The following PDE12 variants were observed in gnomAD, a reference collection of about 807,000 sequenced individuals.
The protein encoded by PDE12 is phosphodiesterase 12.
PDE12 carries 26 observed loss-of-function variants against 45.4 expected under a neutral mutation model. The ratio of observed to expected loss-of-function variants is 0.57; its 90% CI spans 0.42 to 0.79. The LOEUF is 0.79. Ranked by LOEUF, PDE12 falls within the 30% of genes least tolerant of loss-of-function variation. PDE12 has a pLI of 0.00. For synonymous variants in PDE12, 283 were observed against 323.9 expected (o/e 0.87, Z 1.36); for missense variants, 668 against 790.0 (o/e 0.85, Z 1.85).
chr3:57,640,082 A>C, the PDE12 span, among the ~76,000 whole-genome samples: 1,523 of 151,756 alleles, frequency 0.01, 29 homozygotes, highest in African/African-American at 0.034. Context: ...CAAACTGGCC[A>C]ACATGGTGAA....
At chr3:57,619,232 C>T in the PDE12 span, among the ~76,000 whole-genome samples, 1 of 152,092 alleles carries the variant, frequency 6.6e-6, no homozygotes, top group South Asian at 2.1e-4. Context: ...CCTGTAGTCC[C>T]AGCTACTCGG....
At chr3:57,572,120 A>C in the PDE12 span, 1 of 959,312 alleles carries the variant, frequency 1.0e-6, no homozygotes. Flanking sequence ...AGTCCCAGAT[A>C]CTGTTTAATA....
the PDE12 span, among the ~76,000 whole-genome samples, chr3:57,585,024 C>T: frequency 3.3e-5 from 5 of 152,004 alleles, no homozygotes; most frequent in East Asian, 1.9e-4. Context: ...CCACCACGCC[C>T]GGCTAATTTT....
intron 1 of PDE12, among the ~76,000 whole-genome samples, chr3:57,558,195 G>T (rs560644936): frequency 8.9e-6 from 1 of 112,068 alleles, no homozygotes; most frequent in East Asian, 2.3e-4. Flanking sequence ...TTCATAATAA[G>T]AAGAGCAGCT....
chr3:57,630,409 C>G, the PDE12 span: 7 of 1,570,232 alleles, frequency 4.5e-6, no homozygotes, highest in South Asian at 2.4e-5. Context: ...CACAAACACA[C>G]AGTTTTCGAA....
chr3:57,634,457 G>C, the PDE12 span: 1 of 501,332 alleles, frequency 2.0e-6, no homozygotes, highest in Non-Finnish European at 3.1e-6. Context: ...AAAAAGGAGA[G>C]ATCCTATTTC....
At chr3:57,650,395 A>T in the PDE12 span, among the ~76,000 whole-genome samples, 1 of 148,634 alleles carries the variant, frequency 6.7e-6, no homozygotes, top group Admixed American at 6.9e-5. Context: ...TTAATATATG[A>T]GTGTGTATAT....
the PDE12 span, among the ~76,000 whole-genome samples, chr3:57,614,199 A>C: frequency 6.6e-6 from 1 of 152,146 alleles, no homozygotes; most frequent in Non-Finnish European, 1.5e-5. Flanking sequence ...CAACAACAGC[A>C]AAATACACAT....
In PDE12 at chr3:57,556,677, C is replaced by G; in HGVS notation, c.298C>G (p.Pro100Ala). ...AAAKKSRKSR[P>A]NASGGAACSG... ...CGCCAAGAAGAGCAGGAAGAGCCGG[C>G]CGAATGCTAGCGGCGGTGCGGCCTG... The change falls in exon 1 of 3, where the codon CCG (proline) becomes GCG (alanine). Residue 100 changes from proline (P) to alanine (A), a missense_variant. Pro to Ala is a conservative substitution (Grantham distance 27). This residue lies in a region of PDE12 where 580 missense variants were observed against 662.9 expected (regional missense o/e 0.87). Transcript: ENST00000311180. This position sits in a 1 kb window ranked among gnomAD's most constrained non-coding sequence, Gnocchi z 5.0. 2 of 1,598,150 alleles carry G rather than the reference C, an allele frequency of 1.3e-6. No individual in the cohort carries two copies. The highest frequency in any genetic ancestry group is 1.7e-6 in the Non-Finnish European group (2 of 1,169,210).
the PDE12 span, chr3:57,634,921 G>T: frequency 3.6e-6 from 2 of 554,810 alleles, no homozygotes; most frequent in Non-Finnish European, 5.7e-6. Context: ...GTTCATTCTT[G>T]GTATTTTAAA....
At chr3:57,636,554 G>C in the PDE12 span, among the ~76,000 whole-genome samples, 1 of 152,124 alleles carries the variant, frequency 6.6e-6, no homozygotes, top group Non-Finnish European at 1.5e-5. Context: ...AGATACTACG[G>C]AGACACAGAA....
At chr3:57,587,187 C>CAT in the PDE12 span, among the ~76,000 whole-genome samples, 14 of 151,958 alleles carry the variant, frequency 9.2e-5, no homozygotes, top group African/African-American at 2.4e-5. Context: ...GATGTGGTGG[C>CAT]ATATGCCTAT....
the PDE12 span, among the ~76,000 whole-genome samples, chr3:57,587,522 A>AT: frequency 1.2e-4 from 18 of 151,260 alleles, 1 homozygote; most frequent in South Asian, 8.3e-4. Flanking sequence ...ACTGATAGGA[A>AT]TTTTTTTTTA....
the PDE12 span, among the ~76,000 whole-genome samples, chr3:57,594,073 T>C: frequency 2.0e-5 from 3 of 151,992 alleles, no homozygotes; most frequent in African/African-American, 4.8e-5. Flanking sequence ...CTGGCCAACA[T>C]GGTGAAACCC....
chr3:57,581,077 T>C, the PDE12 span, among the ~76,000 whole-genome samples: 3 of 152,252 alleles, frequency 2.0e-5, no homozygotes, highest in African/African-American at 4.8e-5. Flanking sequence ...TATGAAATTA[T>C]TTGAAAAGCC....
chr3:57,589,743 A>C, the PDE12 span, among the ~76,000 whole-genome samples: 1 of 151,534 alleles, frequency 6.6e-6, no homozygotes, highest in African/African-American at 2.4e-5. Flanking sequence ...AAACCCAAAA[A>C]AACAAACCTT....
At chr3:57,653,409 A>G in the PDE12 span, among the ~76,000 whole-genome samples, 1 of 152,176 alleles carries the variant, frequency 6.6e-6, no homozygotes, top group African/African-American at 2.4e-5. Flanking sequence ...GTGGGAGGTA[A>G]GTTTTTAATA....
At chr3:57,642,435 GT>G in the PDE12 span, among the ~76,000 whole-genome samples, 1 of 151,936 alleles carries the variant, frequency 6.6e-6, no homozygotes, top group African/African-American at 2.4e-5. Context: ...ATGAGTGGGC[GT>G]TTTTTGCCAA....
At chr3:57,613,674 G>A in the PDE12 span, among the ~76,000 whole-genome samples, 1 of 151,712 alleles carries the variant, frequency 6.6e-6, no homozygotes, top group Non-Finnish European at 1.5e-5. Flanking sequence ...GCCGAGGAGG[G>A]CGGATCACGA....
Sources: allele counts gnomAD v4.1 joint callset (sites outside exome capture counted in the v4.1 genomes callset), GRCh38; gene constraint gnomAD v4.1.1; regional missense constraint gnomAD v4.1.1; non-coding constraint Gnocchi (gnomAD v3.1); transcripts MANE v1.5; gene names NCBI Gene and HGNC (gene_info 2026-07-23, HGNC 2026-07-21).